The following TENM1 variants were observed in gnomAD, a reference collection of about 807,000 sequenced individuals.
The protein encoded by TENM1 is teneurin-1.
A neutral mutation model predicts 174.8 loss-of-function variants in TENM1; 35 were observed. The observed-to-expected ratio is 0.20, with a 90% CI of 0.15 to 0.27. The LOEUF is 0.27. TENM1 is among the 10% of genes least tolerant of loss of function. The probability of loss-of-function intolerance (pLI) is 1.00; values close to 1 mark genes in which losing one functional copy is unlikely to be tolerated. For missense variants in TENM1, 1,633 were observed against 2,130.1 expected (o/e 0.77, Z 4.59); for synonymous variants, 781 against 798.7 (o/e 0.98, Z 0.37).
intron 22 of TENM1, among the ~76,000 whole-genome samples, chrX:124,475,913 C>T (rs1384769849): frequency 9.0e-6 from 1 of 111,645 alleles, no homozygotes; most frequent in Non-Finnish European, 1.9e-5. Flanking sequence ...CTTCTGCCCC[C>T]CTTTCCTATT....
chrX:125,156,346 T>A, the TENM1 span, among the ~76,000 whole-genome samples: 1 of 111,781 alleles, frequency 8.9e-6, no homozygotes, highest in Non-Finnish European at 1.9e-5. Context: ...CTGTACAGAT[T>A]ATTTTGTTAC....
chrX:125,165,403 G>A, the TENM1 span, among the ~76,000 whole-genome samples: 3 of 111,687 alleles, frequency 2.7e-5, no homozygotes, highest in Admixed American at 1.9e-4. Context: ...TTTATAAGAT[G>A]TCCTCTCCAT....
At chrX:124,843,245 T>C (rs929857601) in intron 3 of TENM1, among the ~76,000 whole-genome samples, 5 of 111,886 alleles carry the variant, frequency 4.5e-5, no homozygotes, top group African/African-American at 1.6e-4. Flanking sequence ...TTAAGCACTG[T>C]TTCTTTCAAA....
intron 8 of TENM1, 142 bp downstream of exon 11, chrX:124,651,772 T>G: frequency 1.1e-6 from 1 of 899,545 alleles, no homozygotes; most frequent in Non-Finnish European, 1.5e-6. Flanking sequence ...AATATAAACT[T>G]TTATCATAGT....
At chrX:124,935,360 C>A (rs2058229533) in intron 1 of TENM1, among the ~76,000 whole-genome samples, 1 of 111,090 alleles carries the variant, frequency 9.0e-6, no homozygotes, top group Non-Finnish European at 1.9e-5. Flanking sequence ...CCTAACACAG[C>A]CTTTTGCTCC....
intron 21 of TENM1, among the ~76,000 whole-genome samples, 161 bp from the exon 25 acceptor site, chrX:124,482,125 T>C (rs1386763134): frequency 9.0e-6 from 1 of 111,062 alleles, no homozygotes; most frequent in Non-Finnish European, 1.9e-5. Context: ...GTTTTTCTAA[T>C]AGTGGGTCTA....
intron 3 of TENM1, among the ~76,000 whole-genome samples, chrX:124,852,172 T>C (rs893251443): frequency 2.7e-5 from 3 of 111,330 alleles, no homozygotes; most frequent in Non-Finnish European, 5.7e-5. Flanking sequence ...AGGTTGAAGC[T>C]AGGCTTTATG....
intron 17 of TENM1, 143 bp downstream of exon 20, chrX:124,523,221 A>G (rs954432319): frequency 1.6e-6 from 1 of 622,991 alleles, no homozygotes; most frequent in African/African-American, 2.2e-5. Context: ...TGCCAGAAAA[A>G]CATTTGAAGA....
chrX:124,969,787 A>T, the TENM1 span, among the ~76,000 whole-genome samples: 1 of 111,894 alleles, frequency 8.9e-6, no homozygotes, highest in Non-Finnish European at 1.9e-5. Flanking sequence ...CATGTGGCAG[A>T]ATGATCTTAG....
rs193021499 is a variant in TENM1, at chrX:124,489,715, T to C, written c.3696-2486A>G. ...AGAGGACATATGCCAATTTTGGAGC[T>C]GTTTTCTAGTGACCTGGCATCATGA... On this transcript the variant is annotated intron_variant, in intron 20 of 31. Transcript: ENST00000422452. 1.4e-3 allele frequency among the ~76,000 whole-genome samples: 152 copies of C among 112,201 alleles called. 2 individuals carry two copies. The highest frequency in any genetic ancestry group is 4.7e-3 in the African/African-American group (145 of 30,900).
intron 5 of TENM1, among the ~76,000 whole-genome samples, chrX:124,695,956 C>T (rs1355227298): frequency 8.9e-6 from 1 of 111,842 alleles, no homozygotes; most frequent in East Asian, 2.8e-4. Context: ...TAAAAACATA[C>T]AGAGGCAGGA....
At chrX:124,719,367 A>C (rs771957193) in intron 4 of TENM1, among the ~76,000 whole-genome samples, 1 of 110,212 alleles carries the variant, frequency 9.1e-6, no homozygotes, top group East Asian at 2.8e-4. Flanking sequence ...CTTTGTAACA[A>C]TAAAAAAAAA....
At chrX:124,691,305 GAAAAGA>G (rs1283660666) in intron 5 of TENM1, among the ~76,000 whole-genome samples, 2 of 110,213 alleles carry the variant, frequency 1.8e-5, no homozygotes, top group African/African-American at 6.6e-5. Context: ...TTGAGACAAA[GAAAAGA>G]AAAAGAAAAT....
intron 6 of TENM1, among the ~76,000 whole-genome samples, chrX:124,671,390 G>A (rs952284223): frequency 9.0e-6 from 1 of 111,570 alleles, no homozygotes; most frequent in African/African-American, 3.3e-5. Flanking sequence ...TTGCTTCAGG[G>A]TAGTTATATG....
chrX:124,622,348 G>A (rs951183492), intron 11 of TENM1, among the ~76,000 whole-genome samples: 7 of 112,033 alleles, frequency 6.2e-5, no homozygotes, highest in Non-Finnish European at 1.1e-4. Flanking sequence ...AGTGTCAACC[G>A]CCAGCTTCAT....
At chrX:124,845,379 C>T (rs2056586447) in intron 3 of TENM1, among the ~76,000 whole-genome samples, 1 of 111,432 alleles carries the variant, frequency 9.0e-6, no homozygotes, top group African/African-American at 3.3e-5. Flanking sequence ...GTATTTCTAA[C>T]AAGGTCTCAG....
chrX:125,018,189 T>C, the TENM1 span, among the ~76,000 whole-genome samples: 10 of 111,576 alleles, frequency 9.0e-5, no homozygotes, highest in Non-Finnish European at 1.7e-4. Flanking sequence ...AGGCAGTGAA[T>C]TGTGCTGAAG....
chrX:124,409,340 C>T (rs2060502998), intron 25 of TENM1, among the ~76,000 whole-genome samples: 1 of 110,368 alleles, frequency 9.1e-6, no homozygotes. Flanking sequence ...ATGCTAAAAA[C>T]TCTCAATAAA....
the TENM1 span, among the ~76,000 whole-genome samples, chrX:125,154,589 A>G: frequency 8.9e-6 from 1 of 111,829 alleles, no homozygotes; most frequent in Non-Finnish European, 1.9e-5. Flanking sequence ...ACATTTCTTA[A>G]TGGACGTAGT....
Sources: gnomAD v4.1 joint callset for allele counts (sites outside exome capture counted in the v4.1 genomes callset) on GRCh38, gnomAD v4.1.1 for gene constraint, MANE v1.5 for transcripts, NCBI Gene and HGNC (gene_info 2026-07-23, HGNC 2026-07-21) for gene names.